SYCP2: variants seen among roughly 807,000 people sequenced by gnomAD.
The protein encoded by SYCP2 is synaptonemal complex protein 2.
SYCP2 carries 55 observed loss-of-function variants against 211.3 expected under a neutral mutation model. That is an observed-to-expected ratio of 0.26 (90% CI 0.21 to 0.33). SYCP2 has a LOEUF of 0.33. Ranked by LOEUF, SYCP2 falls within the 10% of genes least tolerant of loss-of-function variation. The probability of loss-of-function intolerance (pLI) is 1.00; values close to 1 mark genes in which losing one functional copy is unlikely to be tolerated. For missense variants in SYCP2, 1,731 were observed against 1,752.0 expected (o/e 0.99, Z 0.21); for synonymous variants, 570 against 555.2 (o/e 1.03, Z -0.37).
chr20:59,886,096 A>G, intron 25 of SYCP2, 132 bp from the exon 26 acceptor site: 1 of 653,772 alleles, frequency 1.5e-6, no homozygotes, highest in South Asian at 2.0e-5. Context: ...TAACAGTAAT[A>G]GTCTGATAGT....
Position 59,880,475 on chromosome 20 carries a change from T to C in SYCP2, c.2773-4A>G. 2 of 1,520,466 alleles carry C rather than the reference T, an allele frequency of 1.3e-6. No homozygotes were observed. Among genetic ancestry groups the C allele is most frequent in the Non-Finnish European group, 1.8e-6 (2 of 1,127,792 alleles). 94.2% of individuals were successfully genotyped at this position (1,520,466 alleles called of 1,614,324 possible). On this transcript the variant is annotated splice_polypyrimidine_tract_variant and splice_region_variant and intron_variant, in intron 30 of 44. Coordinates refer to ENST00000357552, the MANE Select transcript of SYCP2 (RefSeq NM_014258.4). ...TCTTTTGATGATTTGTTATAATCTA[T>C]AAAAAAAAGTTTGAAATGCATGAAG...
chr20:59,875,605 G>A (rs550013050), intron 33 of SYCP2, 136 bp from the exon 34 acceptor site: 15 of 591,592 alleles, frequency 2.5e-5, no homozygotes, highest in Non-Finnish European at 4.0e-5. Context: ...CTAGACATGA[G>A]TAGTGAAAGA....
intron 18 of SYCP2, among the ~76,000 whole-genome samples, chr20:59,897,037 T>TAAG (rs1257161324): frequency 6.6e-6 from 1 of 152,210 alleles, no homozygotes; most frequent in Non-Finnish European, 1.5e-5. Context: ...CAGTGGCACA[T>TAAG]AATCTAGTGG....
In SYCP2 at chr20:59,867,105, CGGGGGGGGGG is replaced by C. The variant is rs373444865; in HGVS notation, c.4126-526_4126-517del. 1.4e-3 allele frequency among the ~76,000 whole-genome samples: 5 copies of C among 3,466 alleles called. 1 individual carries two copies. The highest frequency in any genetic ancestry group is 0.014 in the East Asian group (2 of 148). 2.3% of individuals were successfully genotyped at this position (3,466 alleles called of 152,430 possible). ...GGAGAAAGGAAAGCAAGACTGGGGGCGGGGGGGGGGGGGGAGGGTGTTGATAACCTGTGCC... is the reference window on the plus strand; with the variant it reads ...GGAGAAAGGAAAGCAAGACTGGGGGCGGGGAGGGTGTTGATAACCTGTGCC... On this transcript the variant is annotated intron_variant, in intron 39 of 44. Transcript: ENST00000357552.
At chr20:59,896,069 A>T (rs2145754312) in intron 19 of SYCP2, among the ~76,000 whole-genome samples, 1 of 151,964 alleles carries the variant, frequency 6.6e-6, no homozygotes, top group South Asian at 2.1e-4. Flanking sequence ...AGTGCCACTT[A>T]TAGAAAAAAA....
chr20:59,910,835 C>T (rs2060307413), intron 14 of SYCP2, among the ~76,000 whole-genome samples: 1 of 151,694 alleles, frequency 6.6e-6, no homozygotes, highest in African/African-American at 2.4e-5. Flanking sequence ...TAAAACACTC[C>T]TACAAATCCT....
In SYCP2 at chr20:59,900,831, C is replaced by A; in HGVS notation, c.1183-13G>T. ...TTCTGATAGATTCCTAAAATTAAAT[C>A]AATTCACAGTGATGACATTTTCTTC... On this transcript the variant is annotated splice_polypyrimidine_tract_variant and intron_variant, in intron 16 of 44. Coordinates refer to ENST00000357552, the MANE Select transcript of SYCP2 (RefSeq NM_014258.4). The A allele has an allele frequency of 6.4e-7, 1 of 1,557,292 alleles. No homozygotes were observed.
intron 3 of SYCP2, 87 bp from the exon 4 acceptor site, chr20:59,921,540 C>T (rs775413073): frequency 2.7e-5 from 25 of 914,408 alleles, no homozygotes; most frequent in African/African-American, 5.2e-5. Context: ...ACCGTTTTCA[C>T]ATGAAAACTC....
intron 1 of SYCP2, chr20:59,933,155 C>T (rs866447675): frequency 9.8e-5 from 15 of 152,620 alleles, no homozygotes; most frequent in African/African-American, 3.6e-4. Context: ...ACCCCTCAGC[C>T]TCCTCGGGCC....
At chr20:59,928,994 G>A (rs922163469) in intron 2 of SYCP2, among the ~76,000 whole-genome samples, 9 of 152,082 alleles carry the variant, frequency 5.9e-5, no homozygotes, top group Non-Finnish European at 1.2e-4. Context: ...ATACTAGGAA[G>A]ACATTTGCAA....
intron 13 of SYCP2, 196 bp downstream of exon 13, chr20:59,912,177 A>C: frequency 2.3e-6 from 1 of 432,500 alleles, no homozygotes; most frequent in South Asian, 3.2e-5. Flanking sequence ...TTTATTTTTC[A>C]GTTATTCTTG....
intron 32 of SYCP2, 28 bp downstream of exon 32, chr20:59,877,980 A>T (rs1568918865): frequency 6.5e-6 from 10 of 1,550,324 alleles, no homozygotes; most frequent in Non-Finnish European, 8.8e-6. Flanking sequence ...TTTTAAAGGG[A>T]TGTTTGAACA....
At chr20:59,892,794 G>T in intron 22 of SYCP2, 93 bp from the exon 23 acceptor site, 2 of 1,147,758 alleles carry the variant, frequency 1.7e-6, no homozygotes, top group East Asian at 2.6e-5. Flanking sequence ...TACTGAAAGC[G>T]ATTACTTATG....
chr20:59,868,307 T>C lies in SYCP2; in HGVS notation c.3988+106A>G. On this transcript the variant is annotated intron_variant, in intron 38 of 44. Transcript: ENST00000357552. ...AATAAAGCATCATCCATCTTGGACA[T>C]ATCCAAAGTTGTCTTTACAAATTTG... The C allele has an allele frequency of 2.7e-6, 3 of 1,128,340 alleles. No homozygotes were observed. The African/African-American group carries it at 4.7e-5, about 18-fold the overall frequency. 69.9% of individuals were successfully genotyped at this position (1,128,340 alleles called of 1,614,324 possible).
At chr20:59,914,673 T>C (rs1278532498) in intron 10 of SYCP2, among the ~76,000 whole-genome samples, 3 of 151,690 alleles carry the variant, frequency 2.0e-5, no homozygotes, top group Non-Finnish European at 2.9e-5. Flanking sequence ...TTAAAATTCA[T>C]TCACAAAAAG....
At chr20:59,883,853 T>G (rs2059734426) in intron 26 of SYCP2, among the ~76,000 whole-genome samples, 1 of 152,078 alleles carries the variant, frequency 6.6e-6, no homozygotes, top group Non-Finnish European at 1.5e-5. Flanking sequence ...ATATAATAGT[T>G]TGTTGCACCA....
At chr20:59,921,549 T>A (rs914790749) in intron 3 of SYCP2, 96 bp from the exon 4 acceptor site, 1 of 831,264 alleles carries the variant, frequency 1.2e-6, no homozygotes, top group African/African-American at 1.8e-5. Flanking sequence ...ACATGAAAAC[T>A]CTCAAATGAA....
intron 2 of SYCP2, among the ~76,000 whole-genome samples, chr20:59,924,353 T>C (rs2060594679): frequency 6.6e-6 from 1 of 152,002 alleles, no homozygotes; most frequent in African/African-American, 2.4e-5. Context: ...TGAGGGATCC[T>C]GTGTCATGTA....
chr20:59,892,043 C>T lies in SYCP2; in HGVS notation c.2311G>A (p.Glu771Lys), dbSNP rs374298885. Residue 771 changes from glutamate to lysine, a missense_variant, in exon 24 of 45, where the codon GAG becomes AAG. By Grantham distance (56) the Glu-to-Lys change is moderately conservative. Around this residue, in one of 3 missense-constraint regions of SYCP2, gnomAD observed 1,387 missense variants for 1,351.3 expected, o/e 1.03. Coordinates refer to ENST00000357552, the MANE Select transcript of SYCP2 (RefSeq NM_014258.4). Reference sequence around the variant, plus strand: ...TTAAGCTCAGAAGTCAATTCTTTCTCTGCTTTTCTATGACTTTGCACATTT... The same window carrying T: ...TTAAGCTCAGAAGTCAATTCTTTCTTTGCTTTTCTATGACTTTGCACATTT... ...SKNVQSHRKAEKELTSELNSW... is the reference protein window; with the variant it reads ...SKNVQSHRKAKKELTSELNSW... The T allele has an allele frequency of 1.9e-5, 30 of 1,606,946 alleles. No homozygotes were observed. The highest frequency in any genetic ancestry group is 3.4e-5 in the Admixed American group (2 of 58,876).
Sources: gnomAD v4.1 joint callset for allele counts (sites outside exome capture counted in the v4.1 genomes callset) on GRCh38, gnomAD v4.1.1 for gene constraint, gnomAD v4.1.1 regional missense constraint, MANE v1.5 for transcripts, NCBI Gene and HGNC (gene_info 2026-07-23, HGNC 2026-07-21) for gene names.